The following DDR2 variants were observed in gnomAD, a reference collection of about 807,000 sequenced individuals.
The protein encoded by DDR2 is discoidin domain receptor tyrosine kinase 2, also known as discoidin domain-containing receptor 2.
A neutral mutation model predicts 94.9 loss-of-function variants in DDR2; 27 were observed. That is an observed-to-expected ratio of 0.28 (90% CI 0.21 to 0.39). The LOEUF is 0.39. Among genes scored for constraint, DDR2 ranks in the 10% least tolerant of loss-of-function variants. The pLI is 1.00. For synonymous variants in DDR2, 382 were observed against 377.2 expected, an observed-to-expected ratio of 1.01 and a Z score of -0.15; for missense variants, 783 against 1,076.0, an observed-to-expected ratio of 0.73 and a Z score of 3.81.
intron 3 of DDR2, among the ~76,000 whole-genome samples, chr1:162,734,097 C>T (rs1009035386): frequency 1.3e-5 from 2 of 152,114 alleles, no homozygotes; most frequent in African/African-American, 2.4e-5. Context: ...CAGAAGAACA[C>T]CCGATACACA....
chr1:162,697,326 A>C (rs1660240232), intron 2 of DDR2, among the ~76,000 whole-genome samples: 1 of 152,154 alleles, frequency 6.6e-6, no homozygotes, highest in African/African-American at 2.4e-5. Context: ...GTGGGTCATA[A>C]AATCTGAGTC....
intron 2 of DDR2, among the ~76,000 whole-genome samples, chr1:162,686,781 T>C (rs898050378): frequency 6.6e-6 from 1 of 152,220 alleles, no homozygotes; most frequent in African/African-American, 2.4e-5. Context: ...TTTTGCCATA[T>C]TGGCCAGGCT....
chr1:162,761,263 A>G lies in DDR2; in HGVS notation c.908A>G (p.Gln303Arg). 1 of 1,614,174 alleles carries G rather than the reference A, an allele frequency of 6.2e-7. No individual in the cohort carries two copies. Among genetic ancestry groups the G allele is most frequent in the East Asian group, 2.2e-5 (1 of 44,876 alleles). Residue 303 changes from glutamine to arginine, a missense_variant, in exon 9 of 18, where the codon CAG becomes CGG. Transcript: ENST00000367921. Reference sequence around the variant, plus strand: ...GGTGTGAAGATCTTTAAGGAGGTACAGTGCTACTTCCGCTCTGAAGCCAGT... The same window carrying G: ...GGTGTGAAGATCTTTAAGGAGGTACGGTGCTACTTCCGCTCTGAAGCCAGT... ...AKGVKIFKEV[Q>R]CYFRSEASEW...
At chr1:162,760,061 G>A in intron 8 of DDR2, 82 bp downstream of exon 8, 2 of 1,587,800 alleles carry the variant, frequency 1.3e-6, no homozygotes, top group East Asian at 2.2e-5. Flanking sequence ...CTAGAAAAAA[G>A]TCTAGGCTGA....
At chr1:162,648,371 A>G (rs1657518855) in intron 1 of DDR2, among the ~76,000 whole-genome samples, 1 of 152,166 alleles carries the variant, frequency 6.6e-6, no homozygotes, top group African/African-American at 2.4e-5. Context: ...AACAGTGAGG[A>G]CAGGAGCCTA....
chr1:162,697,075 T>A (rs1660228052), intron 2 of DDR2, among the ~76,000 whole-genome samples: 1 of 152,154 alleles, frequency 6.6e-6, no homozygotes, highest in South Asian at 2.1e-4. Flanking sequence ...ACATGCACCT[T>A]GAGTCTAATC....
At chr1:162,648,639 CA>C (rs1430692277) in intron 1 of DDR2, among the ~76,000 whole-genome samples, 6 of 151,870 alleles carry the variant, frequency 4.0e-5, no homozygotes, top group Non-Finnish European at 7.4e-5. Flanking sequence ...AACAAACAAA[CA>C]AAAACAAAAA....
intron 2 of DDR2, among the ~76,000 whole-genome samples, 152 bp from the exon 3 acceptor site, chr1:162,718,885 A>C (rs1247973484): frequency 6.6e-6 from 1 of 152,194 alleles, no homozygotes; most frequent in East Asian, 1.9e-4. Flanking sequence ...TCAACTCCCA[A>C]AGTCTGTGAT....
At chr1:162,742,877 C>A (rs1210893395) in intron 3 of DDR2, among the ~76,000 whole-genome samples, 2 of 152,062 alleles carry the variant, frequency 1.3e-5, no homozygotes, top group African/African-American at 4.8e-5. Flanking sequence ...AAGCAGAAAC[C>A]CCTGATAAAC....
Position 162,697,422 on chromosome 1 carries a change from G to A in DDR2, c.-27-21615G>A, listed in dbSNP as rs962910906. 2.0e-4 allele frequency among the ~76,000 whole-genome samples: 30 copies of A among 152,232 alleles called. 1 individual carries two copies. Among genetic ancestry groups the A allele is most frequent in the African/African-American group, 6.7e-4 (28 of 41,554 alleles). On this transcript the variant is annotated intron_variant, in intron 2 of 17. Transcript: ENST00000367921. ...AAACTGAAGTGTCCCAACAAATGTC[G>A]GGTTAGACCTACTTTGAGAAACACA... is the stretch of plus-strand genomic sequence containing the variant.
chr1:162,731,810 A>G (rs1477280488), intron 3 of DDR2, among the ~76,000 whole-genome samples: 1 of 152,224 alleles, frequency 6.6e-6, no homozygotes, highest in Non-Finnish European at 1.5e-5. Context: ...ACCGAAGTTC[A>G]TAGAGGTTTG....
chr1:162,668,853 C>T (rs1314731738), intron 2 of DDR2, among the ~76,000 whole-genome samples: 1 of 152,198 alleles, frequency 6.6e-6, no homozygotes, highest in Non-Finnish European at 1.5e-5. Flanking sequence ...ATTCAACCCA[C>T]CACACTGTTA....
At chr1:162,691,017 TC>T (rs1053159170) in intron 2 of DDR2, among the ~76,000 whole-genome samples, 5 of 152,034 alleles carry the variant, frequency 3.3e-5, no homozygotes, top group African/African-American at 1.2e-4. Context: ...AAAACCTCTT[TC>T]CCCCCCAGGG....
rs777185232 is a variant in DDR2 at position 162,761,252 on chromosome 1, T to C, written c.897T>C (p.Phe299=). 6.8e-6 allele frequency: 11 copies of C among 1,613,990 alleles called. No homozygotes were observed. The highest frequency in any genetic ancestry group is 9.3e-6 in the Non-Finnish European group (11 of 1,180,018). ...NNMFAKGVKI[F]KEVQCYFRSE... Reference sequence around the variant, plus strand: ...TGTTTGCTAAAGGTGTGAAGATCTTTAAGGAGGTACAGTGCTACTTCCGCT... The same window carrying C: ...TGTTTGCTAAAGGTGTGAAGATCTTCAAGGAGGTACAGTGCTACTTCCGCT... The change falls in exon 9 of 18, where the codon TTT becomes TTC. Residue 299 remains phenylalanine, a synonymous_variant. Transcript: ENST00000367921.
chr1:162,692,815 T>C (rs762577447), intron 2 of DDR2, among the ~76,000 whole-genome samples: 2 of 152,352 alleles, frequency 1.3e-5, no homozygotes, highest in South Asian at 2.1e-4. Context: ...GCATATGATA[T>C]GACCTAGCTA....
chr1:162,723,579 G>A (rs1424410593), intron 3 of DDR2, among the ~76,000 whole-genome samples: 2 of 152,178 alleles, frequency 1.3e-5, no homozygotes, highest in Admixed American at 1.3e-4. Flanking sequence ...TTCTAGCCCA[G>A]CAGTCTGAAG....
chr1:162,759,299 A>G (rs1257432155), intron 7 of DDR2, among the ~76,000 whole-genome samples: 4 of 152,198 alleles, frequency 2.6e-5, no homozygotes, highest in Non-Finnish European at 5.9e-5. Context: ...CAATGACAAT[A>G]TGTAGTTAAA....
intron 3 of DDR2, among the ~76,000 whole-genome samples, chr1:162,732,847 G>A (rs1439000870): frequency 2.0e-5 from 3 of 152,240 alleles, no homozygotes; most frequent in Non-Finnish European, 2.9e-5. Flanking sequence ...GCCCTTTCAG[G>A]CTCTCAGCCT....
At position 162,674,836 on chromosome 1, in the gene DDR2, C is replaced by T. The variant is rs539148878; in HGVS notation, c.-28+19462C>T. Among the ~76,000 whole-genome samples the T allele has an allele frequency of 3.3e-5, 5 of 152,258 alleles. No individual in the cohort carries two copies. In the South Asian group the frequency reaches 1.0e-3, roughly 32 times the overall value. On this transcript the variant is annotated intron_variant, in intron 2 of 17. Transcript: ENST00000367921. ...ACTGGGAGGGATAAAAATGGCACAACTAAATTTTCATGATTTGGATAAGAA... is the reference window on the plus strand; with the variant it reads ...ACTGGGAGGGATAAAAATGGCACAATTAAATTTTCATGATTTGGATAAGAA...
Sources: gnomAD v4.1 joint callset for allele counts (sites outside exome capture counted in the v4.1 genomes callset) on GRCh38, gnomAD v4.1.1 for gene constraint, MANE v1.5 for transcripts, NCBI Gene and HGNC (gene_info 2026-07-23, HGNC 2026-07-21) for gene names.